Variants in FREM2 observed in about 807,000 individuals in gnomAD.
FREM2 encodes FRAS1-related extracellular matrix protein 2.
Under a neutral mutation model 219.9 loss-of-function variants are expected in FREM2, and 119 were observed. The observed-to-expected ratio is 0.54, with a 90% CI of 0.47 to 0.63. FREM2 has a LOEUF of 0.63. Ranked by LOEUF, FREM2 falls within the 30% of genes least tolerant of loss-of-function variation. The pLI is 0.00. For missense variants in FREM2, 4,030 were observed against 3,993.6 expected (o/e 1.01, Z -0.25); for synonymous variants, 1,562 against 1,522.8 (o/e 1.03, Z -0.60).
At chr13:38,769,433 C>T in intron 3 of FREM2, 145 bp from the exon 4 acceptor site, 1 of 721,868 alleles carries the variant, frequency 1.4e-6, no homozygotes, top group East Asian at 2.7e-5. Flanking sequence ...ATCATCAGAC[C>T]CATTCCCAAT....
At chr13:38,811,690 CTGTTTTAAGACTTGTTT>C (rs1456464366) in intron 6 of FREM2, among the ~76,000 whole-genome samples, 1 of 151,916 alleles carries the variant, frequency 6.6e-6, no homozygotes, top group African/African-American at 2.4e-5. Context: ...ATTTTTTTGA[CTGTTTTAAGACTTGTTT>C]TGTGACCTAA....
chr13:38,697,225 C>T (rs1333060635), intron 1 of FREM2, among the ~76,000 whole-genome samples: 2 of 152,128 alleles, frequency 1.3e-5, no homozygotes, highest in Non-Finnish European at 2.9e-5. Context: ...TAAAAAATAG[C>T]CTGCTACAGC....
Position 38,863,544 on chromosome 13 carries a change from CTA to C in FREM2, c.7652-729_7652-728del, listed in dbSNP as rs557140091. ...AACATGAAATACATCCTTTAAAAAA[CTA>C]TGTTATAAAACAAAAAAATGATGAG... On this transcript the variant is annotated intron_variant, in intron 15 of 23. Coordinates refer to ENST00000280481, the MANE Select transcript of FREM2 (RefSeq NM_207361.6). 4.0e-3 allele frequency among the ~76,000 whole-genome samples: 224 copies of C among 55,338 alleles called. 1 individual carries two copies. The highest frequency in any genetic ancestry group is 0.016 in the African/African-American group (213 of 13,682). 36.3% of individuals were successfully genotyped at this position (55,338 alleles called of 152,430 possible).
intron 4 of FREM2, among the ~76,000 whole-genome samples, chr13:38,778,615 C>T (rs182686617): frequency 3.0e-3 from 450 of 152,024 alleles, no homozygotes; most frequent in African/African-American, 9.8e-3. Flanking sequence ...GGACACATAG[C>T]GGGAAACAAC....
chr13:38,736,439 A>G (rs1284160320), intron 2 of FREM2, among the ~76,000 whole-genome samples: 4 of 152,222 alleles, frequency 2.6e-5, no homozygotes, highest in Non-Finnish European at 5.9e-5. Context: ...ATTGTTTTTA[A>G]AAAGCTAGAA....
At chr13:38,874,349 A>G (rs1477919556) in intron 17 of FREM2, 133 bp from the exon 18 acceptor site, 100 of 728,540 alleles carry the variant, frequency 1.4e-4, no homozygotes, top group Non-Finnish European at 2.0e-5. Flanking sequence ...TGTTATTCAG[A>G]ATTCTTCTGA....
At chr13:38,868,334 C>T (rs1264177215) in intron 16 of FREM2, among the ~76,000 whole-genome samples, 1 of 152,204 alleles carries the variant, frequency 6.6e-6, no homozygotes. Context: ...TTGTTTACTA[C>T]ATGCCTGCCA....
At position 38,755,142 on chromosome 13, in the gene FREM2, C is replaced by A. The variant is rs111807978; in HGVS notation, c.5264-9162C>A. On this transcript the variant is annotated intron_variant, in intron 2 of 23. Coordinates refer to ENST00000280481, the MANE Select transcript of FREM2 (RefSeq NM_207361.6). ...GGTCTTGAACTCCTGACCTTGTGAT[C>A]TGCCTGCCTCGGCCCCCCAAAGTGC... 5.6e-3 allele frequency among the ~76,000 whole-genome samples: 851 copies of A among 152,138 alleles called. 12 individuals are homozygous for A. Among genetic ancestry groups the A allele is most frequent in the African/African-American group, 0.02 (824 of 41,518 alleles).
At chr13:38,856,484 G>A (rs1437462417) in intron 12 of FREM2, among the ~76,000 whole-genome samples, 1 of 152,064 alleles carries the variant, frequency 6.6e-6, no homozygotes, top group Non-Finnish European at 1.5e-5. Flanking sequence ...GAAACTCAAG[G>A]ACTGAAGCCA....
chr13:38,746,539 C>CT (rs1187441375), intron 2 of FREM2, among the ~76,000 whole-genome samples: 1 of 152,040 alleles, frequency 6.6e-6, no homozygotes, highest in Non-Finnish European at 1.5e-5. Context: ...GAGGAATGGT[C>CT]TAAAGTAGGC....
intron 16 of FREM2, among the ~76,000 whole-genome samples, chr13:38,867,985 T>C (rs1256119071): frequency 6.6e-6 from 1 of 152,176 alleles, no homozygotes; most frequent in East Asian, 1.9e-4. Context: ...ACCCACTATC[T>C]GGGTATCCCT....
intron 16 of FREM2, among the ~76,000 whole-genome samples, chr13:38,869,898 C>T (rs1356776640): frequency 6.6e-6 from 1 of 152,064 alleles, no homozygotes. Flanking sequence ...CTTTTATTGT[C>T]CTGGCTAGCT....
intron 2 of FREM2, among the ~76,000 whole-genome samples, chr13:38,700,728 C>T (rs1006038199): frequency 5.3e-5 from 8 of 152,030 alleles, no homozygotes. Flanking sequence ...ATCTCAAATT[C>T]TTTCCTCAGT....
intron 3 of FREM2, among the ~76,000 whole-genome samples, chr13:38,767,187 T>C (rs768680354): frequency 8.5e-5 from 13 of 152,238 alleles, no homozygotes; most frequent in Non-Finnish European, 1.8e-4. Flanking sequence ...ACAACTGTTA[T>C]ATGGCCTGGA....
intron 2 of FREM2, among the ~76,000 whole-genome samples, chr13:38,721,020 A>C (rs986715996): frequency 6.6e-6 from 1 of 152,090 alleles, no homozygotes; most frequent in Admixed American, 6.6e-5. Context: ...TGGTTGGGGG[A>C]GGGAGCATCA....
chr13:38,769,814 A>G lies in FREM2; in HGVS notation c.5641+6A>G. The G allele has an allele frequency of 6.2e-7, 1 of 1,605,578 alleles. No individual in the cohort carries two copies. Among genetic ancestry groups the G allele is most frequent in the Non-Finnish European group, 8.5e-7 (1 of 1,172,280 alleles). On this transcript the variant is annotated splice_donor_region_variant and intron_variant, in intron 4 of 23. Transcript: ENST00000280481. ...GATCGTTGATCCAGGAGATGGTAAG[A>G]GCCATCGTCAACTGGTTTATGTTGT...
intron 2 of FREM2, among the ~76,000 whole-genome samples, chr13:38,720,020 A>G (rs1359970385): frequency 6.6e-5 from 10 of 152,224 alleles, no homozygotes; most frequent in Admixed American, 6.5e-4. Flanking sequence ...TTTACCAACA[A>G]CATATTAAGT....
intron 1 of FREM2, among the ~76,000 whole-genome samples, chr13:38,697,246 A>G (rs544279422): frequency 6.6e-6 from 1 of 152,316 alleles, no homozygotes; most frequent in East Asian, 1.9e-4. Context: ...ACAAAAAGTA[A>G]GAAAAGTTAG....
At chr13:38,840,677 T>TACATGTGTGTATATATGTGCATATATAC (rs1414227715) in intron 6 of FREM2, among the ~76,000 whole-genome samples, 1 of 143,282 alleles carries the variant, frequency 7.0e-6, no homozygotes, top group Non-Finnish European at 1.5e-5. Flanking sequence ...CACATATGTA[T>TACATGTGTGTATATATGTGCATATATAC]ACATGTGTGT....
Sources: gnomAD v4.1 joint callset for allele counts (sites outside exome capture counted in the v4.1 genomes callset) on GRCh38, gnomAD v4.1.1 for gene constraint, MANE v1.5 for transcripts, NCBI Gene and HGNC (gene_info 2026-07-23, HGNC 2026-07-21) for gene names.